CAST: variants seen among roughly 807,000 people sequenced by gnomAD.
CAST encodes the protein MIR583 host.
CAST carries 76 observed loss-of-function variants against 119.6 expected under a neutral mutation model. The observed-to-expected ratio is 0.64, with a 90% confidence interval of 0.53 to 0.77. The LOEUF (loss-of-function observed/expected upper bound fraction) is 0.77, where lower values mean the gene tolerates loss of function less well. CAST is among the 30% of genes least tolerant of loss of function. The pLI is 0.00. For missense variants in CAST, 953 were observed against 946.5 expected (o/e 1.01, Z -0.09); for synonymous variants, 319 against 331.6 (o/e 0.96, Z 0.41).
intron 1 of CAST, among the ~76,000 whole-genome samples, chr5:96,637,506 G>T (rs1400674401): frequency 1.3e-5 from 2 of 152,154 alleles, no homozygotes; most frequent in Non-Finnish European, 2.9e-5. Flanking sequence ...ACTTCCTATG[G>T]TGAACTGTTG....
chr5:96,031,376 T>C, the CAST span, among the ~76,000 whole-genome samples: 1 of 152,144 alleles, frequency 6.6e-6, no homozygotes, highest in Non-Finnish European at 1.5e-5. Flanking sequence ...TGAGCAAACA[T>C]GAGCTTTATC....
chr5:96,608,600 A>G (rs1442973196), intron 1 of CAST, among the ~76,000 whole-genome samples: 1 of 152,224 alleles, frequency 6.6e-6, no homozygotes, highest in Non-Finnish European at 1.5e-5. Context: ...AACTATCACA[A>G]AAGATTGCAA....
intron 16 of CAST, among the ~76,000 whole-genome samples, 182 bp downstream of exon 16, chr5:96,742,938 G>C (rs912329601): frequency 1.3e-5 from 2 of 152,210 alleles, no homozygotes; most frequent in Non-Finnish European, 2.9e-5. Flanking sequence ...TGACTGACTT[G>C]TGAAACAGCT....
At chr5:96,388,131 G>C in the CAST span, among the ~76,000 whole-genome samples, 2 of 152,254 alleles carry the variant, frequency 1.3e-5, no homozygotes, top group African/African-American at 4.8e-5. Flanking sequence ...ACATGGTAGA[G>C]AGAACCGGTA....
At chr5:95,997,454 G>C in the CAST span, among the ~76,000 whole-genome samples, 1 of 141,006 alleles carries the variant, frequency 7.1e-6, no homozygotes, top group Non-Finnish European at 1.5e-5. Context: ...CAGTGCTCCA[G>C]ATGAAAGCTC....
At chr5:96,663,939 CA>C (rs3048777) in intron 1 of CAST, among the ~76,000 whole-genome samples, 4,685 of 110,946 alleles carry the variant, frequency 0.042, 179 homozygotes, top group African/African-American at 0.12. Context: ...GATTGCTTTC[CA>C]AAAAAAAAAA....
the CAST span, among the ~76,000 whole-genome samples, chr5:96,245,933 C>T: frequency 6.6e-6 from 1 of 152,054 alleles, no homozygotes; most frequent in Non-Finnish European, 1.5e-5. Context: ...GCGCAGGACC[C>T]GGCTGAATCT....
chr5:96,603,759 C>CTTTTTTTTT (rs70981832), intron 1 of CAST, among the ~76,000 whole-genome samples: 3 of 79,498 alleles, frequency 3.8e-5, no homozygotes, highest in Middle Eastern at 8.5e-3. Flanking sequence ...GTGCTGTACT[C>CTTTTTTTTT]TTTTTTTTTT....
intron 11 of CAST, 30 bp from the exon 12 acceptor site, chr5:96,740,008 A>C (rs201835794): frequency 1.5e-5 from 16 of 1,042,834 alleles, no homozygotes; most frequent in Non-Finnish European, 2.3e-5. Flanking sequence ...TTAATTATAT[A>C]ATATCCCTAT....
the CAST span, among the ~76,000 whole-genome samples, chr5:96,293,149 C>T: frequency 2.0e-5 from 3 of 152,202 alleles, no homozygotes; most frequent in South Asian, 4.1e-4. Flanking sequence ...GCTCCTCCCC[C>T]AGAGGTGTAC....
chr5:96,545,665 T>C (rs1745996835), intron 1 of CAST, among the ~76,000 whole-genome samples: 1 of 152,210 alleles, frequency 6.6e-6, no homozygotes, highest in Non-Finnish European at 1.5e-5. Flanking sequence ...TCAGCCTTAG[T>C]AAGAAGTCTA....
At chr5:96,617,371 C>A (rs1297001019) in intron 1 of CAST, among the ~76,000 whole-genome samples, 4 of 152,072 alleles carry the variant, frequency 2.6e-5, no homozygotes, top group Non-Finnish European at 5.9e-5. Context: ...AAAACACCTA[C>A]AAAATGCCAT....
At chr5:96,465,163 A>G in the CAST span, among the ~76,000 whole-genome samples, 1,368 of 152,026 alleles carry the variant, frequency 9.0e-3, 25 homozygotes, top group African/African-American at 0.032. Flanking sequence ...GATATTTTAT[A>G]ATAGTGTAAA....
the CAST span, among the ~76,000 whole-genome samples, chr5:96,505,008 T>C: frequency 3.4e-4 from 52 of 152,310 alleles, no homozygotes; most frequent in Non-Finnish European, 6.3e-4. Context: ...CGTTCACCAG[T>C]TGATGGATCA....
intron 1 of CAST, among the ~76,000 whole-genome samples, chr5:96,541,667 G>C (rs769327801): frequency 6.6e-6 from 1 of 152,114 alleles, no homozygotes; most frequent in Admixed American, 6.5e-5. Flanking sequence ...GAGTTTTTAC[G>C]TTTGTATAGT....
At chr5:96,294,730 G>A in the CAST span, among the ~76,000 whole-genome samples, 7 of 152,140 alleles carry the variant, frequency 4.6e-5, no homozygotes, top group African/African-American at 1.2e-4. Flanking sequence ...CCAGCATTTC[G>A]TTGACTATTT....
rs1554070010 is a variant in CAST, at chr5:96,599,972, A to AAAAAAAAAAAG, written c.60+70102_60+70103insGAAAAAAAAAA. Among the ~76,000 whole-genome samples the AAAAAAAAAAAG allele has an allele frequency of 2.3e-3, 321 of 142,504 alleles. 1 individual carries two copies. The highest frequency in any genetic ancestry group is 4.0e-3 in the South Asian group (18 of 4,458). The allele number at this position is 142,504 out of a possible 152,430, so 93.5% of individuals were successfully genotyped here. A position where few individuals can be genotyped will look rare whatever the true frequency, so the allele number is the denominator to read the frequency against. Reference sequence around the variant, plus strand: ...GTATTATTGCTTCATTAGGCAAAAAAAAAAAAAAAAACCCTCAAGCTCTGT... The same window carrying AAAAAAAAAAAG: ...GTATTATTGCTTCATTAGGCAAAAAAAAAAAAAAAAGAAAAAAAAAAACCCTCAAGCTCTGT... On this transcript the variant is annotated intron_variant, in intron 1 of 11. Coordinates refer to the CAST transcript ENST00000505143.
chr5:96,365,702 T>C, the CAST span, among the ~76,000 whole-genome samples: 2 of 152,238 alleles, frequency 1.3e-5, no homozygotes, highest in South Asian at 4.1e-4. Flanking sequence ...TCCCTTTATT[T>C]TGAGCCTATG....
chr5:96,533,353 C>A (rs2060352), intron 1 of CAST, among the ~76,000 whole-genome samples: 1 of 151,786 alleles, frequency 6.6e-6, no homozygotes, highest in African/African-American at 2.4e-5. Context: ...GATTAGAGCT[C>A]AGAGAGAAAA....
Sources: gnomAD v4.1 joint callset for allele counts (sites outside exome capture counted in the v4.1 genomes callset) on GRCh38, gnomAD v4.1.1 for gene constraint, MANE v1.5 for transcripts, NCBI Gene and HGNC (gene_info 2026-07-23, HGNC 2026-07-21) for gene names.